Variants in SDK1 observed in about 807,000 individuals in gnomAD.
The protein encoded by SDK1 is sidekick cell adhesion molecule 1.
A neutral mutation model predicts 245.5 loss-of-function variants in SDK1; 157 were observed. That is an observed-to-expected ratio of 0.64 (90% confidence interval 0.56 to 0.73). SDK1 has a LOEUF of 0.73. Among genes scored for constraint, SDK1 ranks in the 30% least tolerant of loss-of-function variants. SDK1 has a pLI of 0.00. For missense variants in SDK1, 3,583 were observed against 3,002.3 expected, an observed-to-expected ratio of 1.19 and a Z score of -4.52; for synonymous variants, 1,647 against 1,278.5, an observed-to-expected ratio of 1.29 and a Z score of -6.15.
intron 22 of SDK1, among the ~76,000 whole-genome samples, chr7:4,083,736 CCCTCCCT>C (rs1781237075): frequency 0.013 from 7 of 554 alleles, 1 homozygote; most frequent in African/African-American, 0.051. Flanking sequence ...CTTCCTCCAT[CCCTCCCT>C]TCCTTTACTT....
intron 35 of SDK1, among the ~76,000 whole-genome samples, chr7:4,188,334 C>T (rs772747115): frequency 6.6e-6 from 1 of 152,060 alleles, no homozygotes; most frequent in Non-Finnish European, 1.5e-5. Context: ...CAAGAAATAG[C>T]CCAGGTTAAG....
intron 1 of SDK1, among the ~76,000 whole-genome samples, chr7:3,525,143 A>G (rs1162726395): frequency 2.0e-5 from 3 of 152,024 alleles, no homozygotes; most frequent in African/African-American, 7.3e-5. Context: ...TTATTTGTAA[A>G]TACTATGCCA....
Position 3,571,124 on chromosome 7 carries a change from C to G in SDK1, c.299-47956C>G, listed in dbSNP as rs185249116. ...AGTTATGTTAACCAAGTCTGCGTTA[C>G]TTAATTTAATTTGGAGTCGACTTAC... On this transcript the variant is annotated intron_variant, in intron 1 of 44. Coordinates refer to ENST00000404826, the MANE Select transcript of SDK1 (RefSeq NM_152744.4). Among the ~76,000 whole-genome samples the G allele has an allele frequency of 5.2e-3, 787 of 151,958 alleles. 28 individuals carry two copies. The highest frequency in any genetic ancestry group is 4.8e-3 in the Non-Finnish European group (325 of 67,910).
intron 14 of SDK1, among the ~76,000 whole-genome samples, chr7:3,987,572 G>A (rs2128139344): frequency 6.6e-6 from 1 of 152,258 alleles, no homozygotes; most frequent in Non-Finnish European, 1.5e-5. Flanking sequence ...CCATGGGAGG[G>A]CTGTGCACAC....
chr7:4,211,356 G>A (rs1469466189), intron 38 of SDK1, among the ~76,000 whole-genome samples: 1 of 152,142 alleles, frequency 6.6e-6, no homozygotes, highest in Non-Finnish European at 1.5e-5. Flanking sequence ...CAGAGATTCT[G>A]TAGACCAGGG....
At chr7:3,554,967 G>A (rs554870672) in intron 1 of SDK1, among the ~76,000 whole-genome samples, 3 of 152,266 alleles carry the variant, frequency 2.0e-5, no homozygotes, top group East Asian at 1.9e-4. Context: ...TTACATGTTT[G>A]TAGATTTGAA....
At chr7:3,430,772 C>T (rs1779820346) in intron 1 of SDK1, among the ~76,000 whole-genome samples, 1 of 152,232 alleles carries the variant, frequency 6.6e-6, no homozygotes, top group Non-Finnish European at 1.5e-5. Context: ...CGAATCCTGC[C>T]TGTGCATGAC....
At chr7:3,938,602 C>T (rs190260364) in intron 5 of SDK1, among the ~76,000 whole-genome samples, 3 of 147,236 alleles carry the variant, frequency 2.0e-5, no homozygotes, top group Non-Finnish European at 4.4e-5. Context: ...GCCAAGATCG[C>T]GACACTGCAC....
At chr7:3,807,877 G>A (rs894314680) in intron 4 of SDK1, among the ~76,000 whole-genome samples, 2 of 152,180 alleles carry the variant, frequency 1.3e-5, no homozygotes, top group Non-Finnish European at 2.9e-5. Context: ...AAGCATTTCT[G>A]AGTTTTAAGT....
chr7:4,019,779 C>T (rs944692769), intron 17 of SDK1, among the ~76,000 whole-genome samples: 3 of 152,136 alleles, frequency 2.0e-5, no homozygotes, highest in African/African-American at 7.2e-5. Context: ...CCAGCAGACA[C>T]AGTCGTAATT....
At chr7:4,136,280 CG>C (rs1779086073) in intron 28 of SDK1, among the ~76,000 whole-genome samples, 1 of 152,130 alleles carries the variant, frequency 6.6e-6, no homozygotes, top group African/African-American at 2.4e-5. Flanking sequence ...CACCACACGG[CG>C]GAGGCTGCAG....
At chr7:4,089,894 A>G (rs563317640) in intron 22 of SDK1, among the ~76,000 whole-genome samples, 1 of 152,368 alleles carries the variant, frequency 6.6e-6, no homozygotes, top group African/African-American at 2.4e-5. Flanking sequence ...CCACTCCAGG[A>G]CATGGGCTGC....
At chr7:3,681,861 G>T (rs949116559) in intron 4 of SDK1, among the ~76,000 whole-genome samples, 1 of 152,096 alleles carries the variant, frequency 6.6e-6, no homozygotes, top group African/African-American at 2.4e-5. Context: ...CGAACCTCTT[G>T]GGACCAGATA....
chr7:3,854,870 G>C (rs1780506385), intron 5 of SDK1, among the ~76,000 whole-genome samples: 1 of 152,136 alleles, frequency 6.6e-6, no homozygotes, highest in South Asian at 2.1e-4. Context: ...AGACAAAGTT[G>C]GATTGAAAAG....
intron 5 of SDK1, among the ~76,000 whole-genome samples, chr7:3,940,459 A>G (rs1268844029): frequency 2.0e-5 from 3 of 152,100 alleles, no homozygotes; most frequent in Non-Finnish European, 4.4e-5. Flanking sequence ...AAAAGACAAT[A>G]GCTTCCCGTT....
In SDK1 at chr7:3,638,317, A is replaced by T. The variant is rs62437895; in HGVS notation, c.459-687A>T. Reference sequence around the variant, plus strand: ...CCAAAGGATTATAAATCATGCTGCTATAAAGACACGTGCACACGTATGTTT... The same window carrying T: ...CCAAAGGATTATAAATCATGCTGCTTTAAAGACACGTGCACACGTATGTTT... On this transcript the variant is annotated intron_variant, in intron 2 of 44. Coordinates refer to ENST00000404826, the MANE Select transcript of SDK1 (RefSeq NM_152744.4). Among the ~76,000 whole-genome samples, 313 of 152,124 alleles carry T rather than the reference A, an allele frequency of 2.1e-3. 4 individuals are homozygous for T. The highest frequency in any genetic ancestry group is 7.4e-3 in the African/African-American group (308 of 41,510).
At chr7:3,403,272 C>G (rs1405861511) in intron 1 of SDK1, among the ~76,000 whole-genome samples, 2 of 152,238 alleles carry the variant, frequency 1.3e-5, no homozygotes, top group South Asian at 2.1e-4. Context: ...ATTAGAAGAT[C>G]TCTAAGATTC....
At chr7:4,103,360 A>G (rs1283389805) in intron 22 of SDK1, among the ~76,000 whole-genome samples, 2 of 152,194 alleles carry the variant, frequency 1.3e-5, no homozygotes, top group Non-Finnish European at 2.9e-5. Flanking sequence ...ACATCAGCAC[A>G]TTGTTAGTGA....
At chr7:3,760,354 T>A (rs1383650550) in intron 4 of SDK1, among the ~76,000 whole-genome samples, 1 of 152,130 alleles carries the variant, frequency 6.6e-6, no homozygotes, top group Non-Finnish European at 1.5e-5. Flanking sequence ...ATTCCCCTTG[T>A]TGACCTGTTA....
Sources: gnomAD v4.1 joint callset for allele counts (sites outside exome capture counted in the v4.1 genomes callset) on GRCh38, gnomAD v4.1.1 for gene constraint, MANE v1.5 for transcripts, NCBI Gene and HGNC (gene_info 2026-07-23, HGNC 2026-07-21) for gene names.